The following PRKCA variants were observed in gnomAD, a reference collection of about 807,000 sequenced individuals.
PRKCA encodes protein kinase C alpha type.
A neutral mutation model predicts 87.0 loss-of-function variants in PRKCA; 27 were observed. The ratio of observed to expected loss-of-function variants is 0.31; its 90% CI spans 0.23 to 0.43. PRKCA has a LOEUF of 0.43. Ranked by LOEUF, PRKCA falls within the 20% of genes least tolerant of loss-of-function variation. The pLI is 1.00. For missense variants in PRKCA, 518 were observed against 852.3 expected (o/e 0.61, Z 4.88); for synonymous variants, 329 against 311.1 (o/e 1.06, Z -0.61).
At chr17:66,775,729 A>G (rs1975031568) in intron 14 of PRKCA, 12 of 985,306 alleles carry the variant, frequency 1.2e-5, no homozygotes, top group Non-Finnish European at 1.4e-5. Context: ...TGTTACGTCC[A>G]TTGACTCATT....
intron 2 of PRKCA, among the ~76,000 whole-genome samples, chr17:66,333,945 A>T (rs1208775486): frequency 6.6e-6 from 1 of 152,162 alleles, no homozygotes; most frequent in Non-Finnish European, 1.5e-5. Flanking sequence ...AGTGTAAAAA[A>T]GTGCAAATAA....
chr17:66,646,599 A>G (rs970652388), intron 5 of PRKCA, among the ~76,000 whole-genome samples: 6 of 152,166 alleles, frequency 3.9e-5, no homozygotes, highest in African/African-American at 7.2e-5. Context: ...ATGCTAATCT[A>G]TTAGGTTTAG....
Position 66,810,262 on chromosome 17 carries a change from T to C in PRKCA, c.*6225T>C, listed in dbSNP as rs531915378. 2 of 152,360 alleles carry C rather than the reference T, an allele frequency of 1.3e-5. No homozygotes were observed. The highest frequency in any genetic ancestry group is 2.9e-5 in the Non-Finnish European group (2 of 68,030). 9.4% of individuals were successfully genotyped at this position (152,360 alleles called of 1,614,324 possible). ...TATTCTTCCTGGAAGAATATCATTCTTTTCTTGAAGGGTTGGTTTACTAGA... is the reference window on the plus strand; with the variant it reads ...TATTCTTCCTGGAAGAATATCATTCCTTTCTTGAAGGGTTGGTTTACTAGA... On this transcript the variant is annotated 3_prime_UTR_variant, in exon 17 of 17. Coordinates refer to ENST00000413366, the MANE Select transcript of PRKCA (RefSeq NM_002737.3).
intron 3 of PRKCA, among the ~76,000 whole-genome samples, chr17:66,571,980 C>G (rs1257133842): frequency 2.0e-5 from 3 of 152,100 alleles, no homozygotes; most frequent in Non-Finnish European, 2.9e-5. Flanking sequence ...CGTATAATTC[C>G]GTCTGACGTG....
chr17:66,676,330 C>T (rs1349693828), intron 5 of PRKCA: 1 of 152,252 alleles, frequency 6.6e-6, no homozygotes, highest in Non-Finnish European at 1.5e-5. Flanking sequence ...GCCCATCGGC[C>T]ACTTGAGATG....
chr17:66,386,003 G>A (rs1910040591), intron 2 of PRKCA, among the ~76,000 whole-genome samples: 2 of 151,040 alleles, frequency 1.3e-5, no homozygotes, highest in Admixed American at 1.3e-4. Context: ...CAGGCGATCC[G>A]CCCACCTCGG....
Position 66,525,904 on chromosome 17 carries a change from T to C in PRKCA, c.288+29621T>C, listed in dbSNP as rs189079731. On this transcript the variant is annotated intron_variant, in intron 3 of 16. Coordinates refer to ENST00000413366, the MANE Select transcript of PRKCA (RefSeq NM_002737.3). The stretch of plus-strand genomic sequence containing the variant: ...GAACATTCTGTGCACATAATTATTT[T>C]ATAAACAATATTTTATTTAATGCCC... Among the ~76,000 whole-genome samples the C allele has an allele frequency of 9.8e-4, 150 of 152,328 alleles. 2 individuals are homozygous for C. Among genetic ancestry groups the C allele is most frequent in the East Asian group, 7.7e-4 (4 of 5,186 alleles).
intron 2 of PRKCA, among the ~76,000 whole-genome samples, chr17:66,480,131 C>A (rs2064072142): frequency 6.6e-6 from 1 of 151,472 alleles, no homozygotes; most frequent in Admixed American, 6.6e-5. Context: ...TAAGATTTTT[C>A]TTTAGTTTTT....
At chr17:66,761,070 GTC>G (rs1974671732) in intron 13 of PRKCA, among the ~76,000 whole-genome samples, 1 of 152,116 alleles carries the variant, frequency 6.6e-6, no homozygotes, top group African/African-American at 2.4e-5. Flanking sequence ...CACAATTTTT[GTC>G]TAAATAGAAA....
rs1044844110 is a variant in PRKCA, at chr17:66,742,461, G to A, written c.1386-161G>A. On this transcript the variant is annotated intron_variant, in intron 12 of 16. Coordinates refer to ENST00000413366, the MANE Select transcript of PRKCA (RefSeq NM_002737.3). ...CCTAGGCACAATATTAGTCTCTGAA[G>A]ATATCAACACACATTGACTTCTGAT... Among the ~76,000 whole-genome samples the A allele has an allele frequency of 4.6e-5, 7 of 152,312 alleles. 1 individual carries two copies. Among genetic ancestry groups the A allele is most frequent in the Admixed American group, 3.9e-4 (6 of 15,292 alleles).
At chr17:66,307,568 T>C (rs1313927751) in intron 2 of PRKCA, among the ~76,000 whole-genome samples, 3 of 152,210 alleles carry the variant, frequency 2.0e-5, no homozygotes, top group Non-Finnish European at 4.4e-5. Flanking sequence ...TGTCTTGTTC[T>C]AAAACTTTTA....
chr17:66,672,002 T>C (rs1972200519), intron 5 of PRKCA, among the ~76,000 whole-genome samples: 1 of 152,036 alleles, frequency 6.6e-6, no homozygotes, highest in Non-Finnish European at 1.5e-5. Context: ...CCAAAATAAA[T>C]TTCAAATGGT....
chr17:66,649,939 G>A (rs2143839405), intron 5 of PRKCA, among the ~76,000 whole-genome samples: 1 of 152,354 alleles, frequency 6.6e-6, no homozygotes, highest in African/African-American at 2.4e-5. Context: ...GAGAGACAGA[G>A]AGGGAAGAGA....
intron 2 of PRKCA, among the ~76,000 whole-genome samples, chr17:66,491,755 C>T (rs1300346611): frequency 7.6e-6 from 1 of 132,276 alleles, no homozygotes; most frequent in Non-Finnish European, 1.8e-5. Context: ...AGCAAGACTT[C>T]TCAAATGTCT....
intron 14 of PRKCA, among the ~76,000 whole-genome samples, chr17:66,785,588 G>A (rs977941743): frequency 4.6e-5 from 7 of 152,260 alleles, no homozygotes; most frequent in South Asian, 2.1e-4. Flanking sequence ...GTGCCATCCC[G>A]CCAGAGTGAC....
intron 2 of PRKCA, among the ~76,000 whole-genome samples, chr17:66,392,027 G>A (rs1177506115): frequency 6.6e-6 from 1 of 152,136 alleles, no homozygotes; most frequent in Non-Finnish European, 1.5e-5. Context: ...TCAGGAGATC[G>A]AGACCATCCT....
chr17:66,488,028 G>T lies in PRKCA; in HGVS notation c.206-8173G>T, dbSNP rs77257960. Among the ~76,000 whole-genome samples the T allele has an allele frequency of 6.3e-3, 961 of 152,186 alleles. 14 individuals carry two copies. Among genetic ancestry groups the T allele is most frequent in the African/African-American group, 0.02 (837 of 41,528 alleles). On this transcript the variant is annotated intron_variant, in intron 2 of 16. Coordinates refer to ENST00000413366, the MANE Select transcript of PRKCA (RefSeq NM_002737.3). ...CCCAAAATTTTGTCCAGACCATAATGCCCTGTAGCATAAAACCCCTGTTTA... is the reference window on the plus strand; with the variant it reads ...CCCAAAATTTTGTCCAGACCATAATTCCCTGTAGCATAAAACCCCTGTTTA...
intron 3 of PRKCA, among the ~76,000 whole-genome samples, chr17:66,529,096 C>T (rs1054668852): frequency 6.6e-6 from 1 of 152,054 alleles, no homozygotes; most frequent in Non-Finnish European, 1.5e-5. Context: ...TAGAGTTTGA[C>T]CTTAAATATC....
chr17:66,312,629 G>C (rs12937322), intron 2 of PRKCA, among the ~76,000 whole-genome samples: 90,467 of 152,116 alleles, frequency 0.59, 27,071 homozygotes, highest in African/African-American at 0.65. Context: ...CCTCAACCCC[G>C]TTTGCCCAGA....
Sources: allele counts gnomAD v4.1 joint callset (sites outside exome capture counted in the v4.1 genomes callset), GRCh38; gene constraint gnomAD v4.1.1; transcripts MANE v1.5; gene names NCBI Gene and HGNC (gene_info 2026-07-23, HGNC 2026-07-21).